The following ARHGEF9 variants were observed in gnomAD, a reference collection of about 807,000 sequenced individuals.
ARHGEF9 encodes Cdc42 guanine nucleotide exchange factor 9.
Under a neutral mutation model 41.3 loss-of-function variants are expected in ARHGEF9, and 2 were observed. That is an observed-to-expected ratio of 0.05 (90% confidence interval 0.02 to 0.15). The LOEUF (loss-of-function observed/expected upper bound fraction) is 0.15. Ranked by LOEUF, ARHGEF9 falls within the 10% of genes least tolerant of loss-of-function variation. The pLI is 1.00. For synonymous variants in ARHGEF9, 160 were observed against 154.4 expected (o/e 1.04, Z -0.27); for missense variants, 225 against 424.7 (o/e 0.53, Z 4.13).
At chrX:63,762,410 T>C (rs2056049848) in intron 1 of ARHGEF9, among the ~76,000 whole-genome samples, 1 of 111,667 alleles carries the variant, frequency 9.0e-6, no homozygotes, top group African/African-American at 3.3e-5. Context: ...CTAGATTATA[T>C]GTCGGAGGGA....
rs782009141 is a variant in ARHGEF9 at position 63,636,548 on chromosome X, G to C, written c.*1480C>G. 6.3e-6 allele frequency: 1 copy of C among 159,655 alleles called. No individual in the cohort carries two copies. The highest frequency in any genetic ancestry group is 1.2e-5 in the Non-Finnish European group (1 of 84,789). 13.2% of individuals were successfully genotyped at this position (159,655 alleles called of 1,213,427 possible). ...TTGCCCCAAATGTCCTGGGATGAGA[G>C]GATGTTGGAAACACGGCCTTCTTTG... On this transcript the variant is annotated 3_prime_UTR_variant, in exon 10 of 10. Coordinates refer to ENST00000671741, the MANE Select transcript of ARHGEF9 (RefSeq NM_001353921.2).
intron 1 of ARHGEF9, among the ~76,000 whole-genome samples, chrX:63,740,167 T>C (rs1265345712): frequency 7.1e-5 from 8 of 112,143 alleles, no homozygotes; most frequent in Middle Eastern, 4.6e-3. Flanking sequence ...ACCTAGGAGA[T>C]TCCTGAGGAG....
chrX:63,677,792 C>A (rs1321338340), intron 5 of ARHGEF9, among the ~76,000 whole-genome samples: 25 of 111,729 alleles, frequency 2.2e-4, no homozygotes, highest in African/African-American at 7.5e-4. Flanking sequence ...CCCACCAAAC[C>A]CCCAAAAAGC....
intron 1 of ARHGEF9, among the ~76,000 whole-genome samples, chrX:63,730,830 T>G (rs782133788): frequency 2.7e-5 from 3 of 111,991 alleles, no homozygotes; most frequent in Non-Finnish European, 5.6e-5. Flanking sequence ...AAAAGGGTAT[T>G]TGGGGTCATG....
chrX:63,659,115 C>T (rs782547096), intron 7 of ARHGEF9, among the ~76,000 whole-genome samples: 5 of 112,534 alleles, frequency 4.4e-5, no homozygotes, highest in South Asian at 3.7e-4. Flanking sequence ...TTTGCCTGCC[C>T]ATTAAAGGCT....
chrX:63,767,897 T>C (rs1312687598), intron 1 of ARHGEF9, among the ~76,000 whole-genome samples: 1 of 112,054 alleles, frequency 8.9e-6, no homozygotes, highest in Non-Finnish European at 1.9e-5. Context: ...GGAGAAGATA[T>C]TCCCCCTCTT....
chrX:63,682,737 C>A (rs1489348017), intron 4 of ARHGEF9, among the ~76,000 whole-genome samples: 1 of 111,607 alleles, frequency 9.0e-6, no homozygotes, highest in Non-Finnish European at 1.9e-5. Context: ...AAAAACCACA[C>A]GGTTATTTCA....
chrX:63,768,874 T>A (rs191667325), intron 1 of ARHGEF9, among the ~76,000 whole-genome samples: 4 of 112,274 alleles, frequency 3.6e-5, no homozygotes, highest in African/African-American at 1.3e-4. Flanking sequence ...CATGTGAAAC[T>A]GTAAGTCCAA....
chrX:63,742,496 C>T (rs2055021873), intron 1 of ARHGEF9, among the ~76,000 whole-genome samples: 1 of 111,775 alleles, frequency 8.9e-6, no homozygotes, highest in African/African-American at 3.3e-5. Context: ...GGTTGTCTCC[C>T]TATTCTTGTC....
At chrX:63,713,089 C>A in intron 2 of ARHGEF9, 1 of 111,421 alleles carries the variant, frequency 9.0e-6, no homozygotes. Context: ...CCAGCCGGCC[C>A]CTGTCTCCAG....
intron 1 of ARHGEF9, 144 bp from the exon 2 acceptor site, chrX:63,724,855 A>C (rs2053861200): frequency 3.6e-6 from 2 of 559,276 alleles, no homozygotes; most frequent in Non-Finnish European, 5.9e-6. Flanking sequence ...CACTGGAACA[A>C]AAGTTCCATT....
intron 6 of ARHGEF9, among the ~76,000 whole-genome samples, chrX:63,667,696 T>A (rs1326827503): frequency 9.0e-6 from 1 of 110,692 alleles, no homozygotes; most frequent in Admixed American, 9.6e-5. Context: ...TTTCTAATAA[T>A]AGAACCCCCC....
chrX:63,706,522 G>A (rs2052557969), intron 2 of ARHGEF9, 73 bp from the exon 3 acceptor site: 3 of 1,077,526 alleles, frequency 2.8e-6, no homozygotes, highest in East Asian at 6.5e-5. Context: ...AGTAGAAAAA[G>A]GATGAACTGA....
At chrX:63,711,857 G>A (rs1556407093) in intron 2 of ARHGEF9, among the ~76,000 whole-genome samples, 2 of 112,400 alleles carry the variant, frequency 1.8e-5, no homozygotes, top group African/African-American at 6.5e-5. Context: ...AGGCAACCCA[G>A]TAATGGGAAA....
In ARHGEF9 at chrX:63,671,851, C is replaced by A. The variant is rs375999855; in HGVS notation, c.945+2187G>T. Among the ~76,000 whole-genome samples, 5 of 112,213 alleles carry A rather than the reference C, an allele frequency of 4.5e-5. No individual in the cohort carries two copies. The East Asian group carries it at 1.1e-3, about 25-fold the overall frequency. ...AATATGACAGAAACTTTAGGCTTGG[C>A]CTTTGAAATATATCCATCAGGCTTT... On this transcript the variant is annotated intron_variant, in intron 6 of 9. Transcript: ENST00000671741.
chrX:63,713,993 G>A (rs1297206516), intron 2 of ARHGEF9, among the ~76,000 whole-genome samples: 1 of 111,393 alleles, frequency 9.0e-6, no homozygotes, highest in Non-Finnish European at 1.9e-5. Flanking sequence ...GAGAAATAAG[G>A]AGCTTCAACC....
chrX:63,760,340 T>C (rs2056012529), intron 1 of ARHGEF9, among the ~76,000 whole-genome samples: 1 of 111,429 alleles, frequency 9.0e-6, no homozygotes, highest in Non-Finnish European at 1.9e-5. Flanking sequence ...TGCTCTTGCA[T>C]GTTCATGGGT....
chrX:63,714,025 A>C (rs1373877113), intron 2 of ARHGEF9, among the ~76,000 whole-genome samples: 1 of 112,139 alleles, frequency 8.9e-6, no homozygotes, highest in African/African-American at 3.2e-5. Context: ...AATTTTTGTT[A>C]TATAACAGAC....
intron 8 of ARHGEF9, among the ~76,000 whole-genome samples, chrX:63,648,517 C>T (rs1403600904): frequency 2.7e-5 from 3 of 111,358 alleles, no homozygotes; most frequent in African/African-American, 6.5e-5. Flanking sequence ...TAAAGACCAT[C>T]GAGGCTAGGA....
Sources: gnomAD v4.1 joint callset for allele counts (sites outside exome capture counted in the v4.1 genomes callset) on GRCh38, gnomAD v4.1.1 for gene constraint, MANE v1.5 for transcripts, NCBI Gene and HGNC (gene_info 2026-07-23, HGNC 2026-07-21) for gene names.